Variants in AP2A2 observed in about 807,000 individuals in gnomAD.
AP2A2 encodes the protein AP-2 complex subunit alpha-2.
A neutral mutation model predicts 104.2 loss-of-function variants in AP2A2; 32 were observed. That is an observed-to-expected ratio of 0.31 (90% CI 0.23 to 0.41). The LOEUF is 0.41. AP2A2 is among the 10% of genes least tolerant of loss of function. The probability of loss-of-function intolerance (pLI) is 1.00; values close to 1 mark genes in which losing one functional copy is unlikely to be tolerated. For synonymous variants in AP2A2, 539 were observed against 533.3 expected (o/e 1.01, Z -0.15); for missense variants, 912 against 1,261.0 (o/e 0.72, Z 4.19).
intron 7 of AP2A2, among the ~76,000 whole-genome samples, 159 bp downstream of exon 7, chr11:984,912 G>A (rs1449336397): frequency 6.6e-6 from 1 of 152,216 alleles, no homozygotes; most frequent in African/African-American, 2.4e-5. Flanking sequence ...GCTGGCTTTC[G>A]TGGAGCAGTT....
At chr11:934,664 G>A (rs1418590364) in intron 1 of AP2A2, among the ~76,000 whole-genome samples, 2 of 152,104 alleles carry the variant, frequency 1.3e-5, no homozygotes, top group Non-Finnish European at 2.9e-5. Context: ...GCGTTGTGGG[G>A]TGTTTTTCTT....
At chr11:940,950 A>AC in intron 1 of AP2A2, 1 of 455,700 alleles carries the variant, frequency 2.2e-6, no homozygotes, top group South Asian at 1.5e-5. Flanking sequence ...GGGGCATCTC[A>AC]CCCCTCGGGG....
Position 994,276 on chromosome 11 carries a change from C to T in AP2A2, c.1956+31C>T, listed in dbSNP as rs750689742. On this transcript the variant is annotated intron_variant, in intron 14 of 21. Coordinates refer to ENST00000448903, the MANE Select transcript of AP2A2 (RefSeq NM_012305.4). ...TCCCTCACCTACTGTGCACCCAGACCTGTCAGGGCCTCACCCCCAAGACTT... is the reference window on the plus strand; with the variant it reads ...TCCCTCACCTACTGTGCACCCAGACTTGTCAGGGCCTCACCCCCAAGACTT... The T allele has an allele frequency of 3.7e-6, 6 of 1,607,006 alleles. No homozygotes were observed. The Admixed American group carries it at 6.7e-5, about 18-fold the overall frequency.
intron 1 of AP2A2, among the ~76,000 whole-genome samples, chr11:951,509 A>G (rs2134526599): frequency 6.6e-6 from 1 of 151,982 alleles, no homozygotes; most frequent in African/African-American, 2.4e-5. Context: ...CCTGGGTGAC[A>G]GGGCGAGACT....
intron 1 of AP2A2, among the ~76,000 whole-genome samples, chr11:945,175 A>T (rs1181823351): frequency 3.3e-5 from 5 of 151,958 alleles, no homozygotes; most frequent in Admixed American, 6.6e-5. Flanking sequence ...AGCAGGACAC[A>T]TGTGATACAT....
chr11:996,939 T>C (rs12363603), intron 14 of AP2A2, among the ~76,000 whole-genome samples: 1 of 117,068 alleles, frequency 8.5e-6, no homozygotes, highest in Non-Finnish European at 2.0e-5. Flanking sequence ...GCCCCTCTGT[T>C]CTGACCGAGA....
At chr11:963,779 C>T (rs534216223) in intron 2 of AP2A2, among the ~76,000 whole-genome samples, 59 of 152,346 alleles carry the variant, frequency 3.9e-4, no homozygotes, top group African/African-American at 1.4e-3. Context: ...CGCACCACCA[C>T]GCCTGGCTAA....
At position 993,444 on chromosome 11, in the gene AP2A2, C is replaced by CATTAAA; in HGVS notation, c.1550+64_1550+65insTTAAAA. ...CGGCGGGCCTCTCGGTGGTCGGTGG[C>CATTAAA]AAGAGGCGAGGCACCAGCTGGCCCT... is the stretch of plus-strand genomic sequence containing the variant. On this transcript the variant is annotated intron_variant, in intron 12 of 21. Transcript: ENST00000448903. The surrounding 1 kb of genome is among the most constrained non-coding windows in gnomAD (Gnocchi z 8.2). 4 of 1,255,706 alleles carry CATTAAA rather than the reference C, an allele frequency of 3.2e-6. No homozygotes were observed. Among genetic ancestry groups the CATTAAA allele is most frequent in the East Asian group, 2.8e-5 (1 of 35,892 alleles). 77.8% of individuals were successfully genotyped at this position (1,255,706 alleles called of 1,614,324 possible). A position where few individuals can be genotyped will look rare whatever the true frequency, so the allele number is the denominator to read the frequency against.
At chr11:984,518 G>A (rs1855380326) in intron 6 of AP2A2, 127 bp from the exon 7 acceptor site, 1 of 802,758 alleles carries the variant, frequency 1.2e-6, no homozygotes, top group African/African-American at 1.7e-5. Context: ...AGACACTCTT[G>A]GCACATGAAA....
intron 1 of AP2A2, among the ~76,000 whole-genome samples, chr11:934,005 G>T (rs1853372777): frequency 1.3e-5 from 2 of 152,062 alleles, no homozygotes; most frequent in African/African-American, 2.4e-5. Context: ...CCAGGGGTGG[G>T]CTGAGGGGCT....
At chr11:982,851 A>G (rs1777123935) in intron 6 of AP2A2, among the ~76,000 whole-genome samples, 1 of 150,988 alleles carries the variant, frequency 6.6e-6, no homozygotes, top group African/African-American at 2.4e-5. Context: ...GGGTTTTTCC[A>G]TGTTGGTCAG....
chr11:963,459 A>C, intron 2 of AP2A2, among the ~76,000 whole-genome samples: 1 of 151,600 alleles, frequency 6.6e-6, no homozygotes, highest in South Asian at 2.1e-4. Flanking sequence ...CAAGGTACCG[A>C]GTTATTTTAT....
intron 1 of AP2A2, among the ~76,000 whole-genome samples, chr11:943,806 A>G (rs1853737842): frequency 7.0e-6 from 1 of 142,602 alleles, no homozygotes; most frequent in South Asian, 2.3e-4. Context: ...CGCAGGTGGC[A>G]GCGGAGATGG....
intron 17 of AP2A2, chr11:1,006,859 CCT>C: frequency 2.0e-6 from 1 of 508,724 alleles, no homozygotes; most frequent in Non-Finnish European, 3.5e-6. Flanking sequence ...GTACATGCCT[CCT>C]CCCCTTCCAT....
intron 9 of AP2A2, among the ~76,000 whole-genome samples, chr11:988,057 T>A (rs940490827): frequency 2.6e-5 from 4 of 152,262 alleles, no homozygotes; most frequent in Non-Finnish European, 5.9e-5. Flanking sequence ...GCGCTGGTGG[T>A]GCCCACTCTC....
intron 1 of AP2A2, among the ~76,000 whole-genome samples, chr11:927,308 A>G (rs1016934244): frequency 6.6e-6 from 1 of 151,962 alleles, no homozygotes; most frequent in African/African-American, 2.4e-5. Context: ...CAAGTGATCC[A>G]CCTGTCTTGG....
chr11:1,008,009 C>T lies in AP2A2; in HGVS notation c.2297-3C>T. On this transcript the variant is annotated splice_polypyrimidine_tract_variant and splice_region_variant and intron_variant, in intron 17 of 21. Coordinates refer to ENST00000448903, the MANE Select transcript of AP2A2 (RefSeq NM_012305.4). ...GCTCAGCTGGATTCCTTAACGCACG[C>T]ACACCTGAACCTGCAGACCAAGCCC... 6 of 1,555,818 alleles carry T rather than the reference C, an allele frequency of 3.9e-6. No homozygotes were observed. Among genetic ancestry groups the T allele is most frequent in the Non-Finnish European group, 5.2e-6 (6 of 1,150,128 alleles).
At chr11:973,182 G>T (rs977110109) in intron 4 of AP2A2, among the ~76,000 whole-genome samples, 14 of 152,242 alleles carry the variant, frequency 9.2e-5, no homozygotes, top group Non-Finnish European at 4.4e-5. Context: ...TGGAGACAAG[G>T]TGGTGGGAAG....
chr11:972,433 G>A lies in AP2A2; in HGVS notation c.473+178G>A, dbSNP rs11246365. On this transcript the variant is annotated intron_variant, in intron 4 of 21. Transcript: ENST00000448903. ...GTTTAGGCCGGGCACGGTGGCTCAC[G>A]CCTCTAATCCCAGGACCGTAGGAGG... Among the ~76,000 whole-genome samples, 85 of 152,366 alleles carry A rather than the reference G, an allele frequency of 5.6e-4. No individual in the cohort carries two copies. In the East Asian group the frequency reaches 0.013, roughly 23 times the overall value.
Sources: allele counts gnomAD v4.1 joint callset (sites outside exome capture counted in the v4.1 genomes callset), GRCh38; gene constraint gnomAD v4.1.1; non-coding constraint Gnocchi (gnomAD v3.1); transcripts MANE v1.5; gene names NCBI Gene and HGNC (gene_info 2026-07-23, HGNC 2026-07-21).